Variants in PAK3 observed in about 807,000 individuals in gnomAD.
PAK3 encodes p21 (RAC1) activated kinase 3, also known as serine/threonine-protein kinase PAK 3.
In PAK3, 4 loss-of-function variants were observed where a neutral mutation model predicts 41.0. The ratio of observed to expected loss-of-function variants is 0.10; its 90% confidence interval spans 0.05 to 0.22. PAK3 has a LOEUF of 0.22. Ranked by LOEUF, PAK3 falls within the 10% of genes least tolerant of loss-of-function variation. The probability of loss-of-function intolerance (pLI) is 1.00; values close to 1 mark genes in which losing one functional copy is unlikely to be tolerated. For missense variants in PAK3, 205 were observed against 409.9 expected (o/e 0.50, Z 4.32); for synonymous variants, 146 against 139.6 (o/e 1.05, Z -0.32).
intron 1 of PAK3, among the ~76,000 whole-genome samples, chrX:111,000,011 A>G (rs1026017340): frequency 9.0e-6 from 1 of 111,390 alleles, no homozygotes; most frequent in African/African-American, 3.3e-5. Context: ...TTGCTATCAC[A>G]TTATCCAAAT....
chrX:111,132,862 T>A (rs1001229704), intron 5 of PAK3, among the ~76,000 whole-genome samples: 4 of 111,429 alleles, frequency 3.6e-5, no homozygotes, highest in African/African-American at 1.3e-4. Flanking sequence ...TATCCTCAGG[T>A]AATTTTCAAC....
At chrX:111,182,096 G>T (rs1490784022) in intron 11 of PAK3, among the ~76,000 whole-genome samples, 1 of 111,517 alleles carries the variant, frequency 9.0e-6, no homozygotes, top group Non-Finnish European at 1.9e-5. Flanking sequence ...AGCAGAGTTT[G>T]CACGTTAACT....
At chrX:111,191,996 G>T in intron 11 of PAK3, 131 bp from the exon 12 acceptor site, 1 of 448,037 alleles carries the variant, frequency 2.2e-6, no homozygotes, top group South Asian at 3.0e-5. Context: ...TTAAAAGGTT[G>T]TTCCTTTTCT....
At chrX:111,191,982 T>C in intron 11 of PAK3, 145 bp from the exon 12 acceptor site, 2 of 408,329 alleles carry the variant, frequency 4.9e-6, no homozygotes, top group Non-Finnish European at 8.9e-6. Context: ...CAATAATAAT[T>C]TTTTTAAAAG....
rs373854761 is a variant in PAK3, at chrX:111,062,939, C to G, written c.-27-60138C>G. ...CCACTACCTAGAGTTGAATAGCTTT[C>G]CCCTTTCCATGCTATACTGTCAGCA... On this transcript the variant is annotated intron_variant, in intron 1 of 14. Transcript: ENST00000425146. Among the ~76,000 whole-genome samples, 3 of 109,504 alleles carry G rather than the reference C, an allele frequency of 2.7e-5. 1 individual carries two copies.
intron 5 of PAK3, among the ~76,000 whole-genome samples, chrX:111,131,602 C>CAA (rs1016617528): frequency 9.1e-6 from 1 of 109,786 alleles, no homozygotes; most frequent in Non-Finnish European, 1.9e-5. Flanking sequence ...GTCTTTATAC[C>CAA]AAAAAAAATT....
chrX:111,098,082 A>C (rs1483995400), intron 3 of PAK3, among the ~76,000 whole-genome samples: 1 of 110,649 alleles, frequency 9.0e-6, no homozygotes, highest in Admixed American at 9.6e-5. Flanking sequence ...GGGACACAGG[A>C]CCCTAGGGAC....
chrX:110,975,800 A>G (rs138894187), intron 1 of PAK3, among the ~76,000 whole-genome samples: 2,300 of 111,436 alleles, frequency 0.021, 29 homozygotes, highest in Non-Finnish European at 0.035. Context: ...CTCAGAAATA[A>G]CACCACACAT....
At chrX:111,026,416 T>C (rs755716809) in intron 1 of PAK3, among the ~76,000 whole-genome samples, 1 of 111,366 alleles carries the variant, frequency 9.0e-6, no homozygotes, top group South Asian at 3.8e-4. Flanking sequence ...CTGAAGACTC[T>C]TCCAAAAAGC....
chrX:111,005,058 T>G (rs1430698534), intron 1 of PAK3, among the ~76,000 whole-genome samples: 2 of 112,218 alleles, frequency 1.8e-5, no homozygotes, highest in African/African-American at 6.5e-5. Flanking sequence ...TAAAAGCAAG[T>G]CAATTTGTCA....
At chrX:110,945,870 T>C (rs2090608406) in intron 1 of PAK3, among the ~76,000 whole-genome samples, 1 of 112,117 alleles carries the variant, frequency 8.9e-6, no homozygotes, top group South Asian at 3.7e-4. Context: ...TAAAGCATTG[T>C]TTTTCAGGGT....
chrX:111,124,956 C>T (rs576159798), intron 5 of PAK3, among the ~76,000 whole-genome samples: 2 of 111,902 alleles, frequency 1.8e-5, no homozygotes, highest in East Asian at 2.8e-4. Context: ...AATATGCATC[C>T]TCATGGTAAG....
intron 1 of PAK3, among the ~76,000 whole-genome samples, chrX:111,038,144 G>A (rs2092418190): frequency 8.9e-6 from 1 of 112,053 alleles, no homozygotes; most frequent in African/African-American, 3.2e-5. Context: ...ATCAGGCATG[G>A]AATAAATAAG....
At chrX:111,208,934 CGTGTGTGT>C (rs202080809) in intron 16 of PAK3, among the ~76,000 whole-genome samples, 1 of 104,380 alleles carries the variant, frequency 9.6e-6, no homozygotes, top group African/African-American at 3.6e-5. Context: ...CGAGGAATGA[CGTGTGTGT>C]GTGTGTGTGT....
In PAK3 at chrX:111,168,381, A is replaced by G. The variant is rs966008092; in HGVS notation, c.767-4637A>G. Among the ~76,000 whole-genome samples, 4 of 111,710 alleles carry G rather than the reference A, an allele frequency of 3.6e-5. No homozygotes were observed. The Admixed American group carries it at 3.8e-4, about 11-fold the overall frequency. On this transcript the variant is annotated intron_variant, in intron 10 of 17. Transcript: ENST00000372007. ...AAAAACTTTCTCCCTATTGTGTCACAGTGTTTTTTCTTTATCGTAATTTAC... is the reference window on the plus strand; with the variant it reads ...AAAAACTTTCTCCCTATTGTGTCACGGTGTTTTTTCTTTATCGTAATTTAC...
At chrX:111,150,907 C>A (rs2094017509) in intron 7 of PAK3, among the ~76,000 whole-genome samples, 1 of 111,796 alleles carries the variant, frequency 8.9e-6, no homozygotes, top group Admixed American at 9.5e-5. Flanking sequence ...AGAGCCCTTA[C>A]CTCTTCGCAC....
chrX:111,012,003 G>A (rs1021550932), intron 1 of PAK3, among the ~76,000 whole-genome samples: 3 of 111,724 alleles, frequency 2.7e-5, no homozygotes, highest in Non-Finnish European at 5.6e-5. Flanking sequence ...GGGTTGTTTA[G>A]AACATTGTAG....
At chrX:111,068,513 G>C (rs1031413594) in intron 1 of PAK3, among the ~76,000 whole-genome samples, 4 of 112,112 alleles carry the variant, frequency 3.6e-5, no homozygotes, top group Admixed American at 2.8e-4. Flanking sequence ...TGTTGCTTAG[G>C]CTGGTCTTGA....
intron 1 of PAK3, among the ~76,000 whole-genome samples, chrX:111,062,974 G>A (rs964488630): frequency 5.5e-5 from 6 of 109,033 alleles, no homozygotes; most frequent in East Asian, 2.9e-4. Flanking sequence ...AGTGCCACAT[G>A]ACATCTTCAA....
Sources: allele counts gnomAD v4.1 joint callset (sites outside exome capture counted in the v4.1 genomes callset), GRCh38; gene constraint gnomAD v4.1.1; transcripts MANE v1.5; gene names NCBI Gene and HGNC (gene_info 2026-07-23, HGNC 2026-07-21).